Variants in EYA4 observed in about 807,000 individuals in gnomAD.
EYA4 encodes the protein EYA transcriptional coactivator and phosphatase 4.
EYA4 carries 31 observed loss-of-function variants against 87.9 expected under a neutral mutation model. That is an observed-to-expected ratio of 0.35 (90% confidence interval 0.27 to 0.48). The LOEUF is 0.48. EYA4 is among the 20% of genes least tolerant of loss of function. The pLI, the probability that EYA4 is intolerant of heterozygous loss-of-function variation, is 0.99. For synonymous variants in EYA4, 263 were observed against 270.6 expected (o/e 0.97, Z 0.28); for missense variants, 678 against 761.4 (o/e 0.89, Z 1.29).
chr6:133,429,306 AG>A (rs1416079629), intron 3 of EYA4, among the ~76,000 whole-genome samples: 6 of 151,696 alleles, frequency 4.0e-5, no homozygotes, highest in African/African-American at 1.2e-4. Flanking sequence ...GTTAGGTAAA[AG>A]GAAGTGAGAC....
At chr6:133,318,922 G>C (rs899677790) in intron 2 of EYA4, among the ~76,000 whole-genome samples, 4 of 152,130 alleles carry the variant, frequency 2.6e-5, no homozygotes, top group Admixed American at 2.6e-4. Context: ...CATAAAGTAC[G>C]ATTTTTCTAA....
intron 13 of EYA4, among the ~76,000 whole-genome samples, chr6:133,504,191 C>A (rs1583485924): frequency 6.6e-6 from 1 of 152,106 alleles, no homozygotes. Context: ...GTGCTGGGAA[C>A]ACAGGCGTGA....
chr6:133,362,705 G>A (rs1398486138), intron 2 of EYA4, among the ~76,000 whole-genome samples: 1 of 152,192 alleles, frequency 6.6e-6, no homozygotes, highest in African/African-American at 2.4e-5. Context: ...CAAATATAGA[G>A]CATTGCATGG....
At chr6:133,376,314 T>C (rs1248585065) in intron 2 of EYA4, among the ~76,000 whole-genome samples, 2 of 151,858 alleles carry the variant, frequency 1.3e-5, no homozygotes, top group East Asian at 3.8e-4. Flanking sequence ...AATAAATTAT[T>C]TATTACATAA....
chr6:133,371,387 T>TA (rs1404053762), intron 2 of EYA4, among the ~76,000 whole-genome samples: 2 of 152,208 alleles, frequency 1.3e-5, no homozygotes, highest in Non-Finnish European at 2.9e-5. Flanking sequence ...GAGTTGTAGG[T>TA]ACTATTTTCT....
chr6:133,427,410 C>A (rs945636126), intron 3 of EYA4, among the ~76,000 whole-genome samples: 2 of 152,100 alleles, frequency 1.3e-5, no homozygotes, highest in Admixed American at 6.5e-5. Context: ...AGTTCTATTA[C>A]AGAAGTGGAT....
At chr6:133,327,289 C>T (rs1333658837) in intron 2 of EYA4, among the ~76,000 whole-genome samples, 3 of 151,960 alleles carry the variant, frequency 2.0e-5, no homozygotes, top group African/African-American at 7.3e-5. Context: ...AGGTGCCCGC[C>T]GCCACGCCAG....
Position 133,513,018 on chromosome 6 carries a change from C to T in EYA4, c.1481C>T (p.Thr494Ile). ...AGAAGAGTAAAAGAATTATATAACA[C>T]CTACAAGAACAACGTTGGAGGTATG... ...RYRRVKELYNTYKNNVGGLLG... is the reference protein window; with the variant it reads ...RYRRVKELYNIYKNNVGGLLG... Residue 494 changes from threonine to isoleucine, a missense_variant, in exon 16 of 20, where the codon ACC (threonine) becomes ATC (isoleucine). By Grantham distance (89) the Thr-to-Ile change is moderately conservative (BLOSUM62 -1). Coordinates refer to ENST00000355286, the MANE Select transcript of EYA4 (RefSeq NM_004100.5). 6.2e-7 allele frequency: 1 copy of T among 1,613,946 alleles called. No homozygotes were observed. Among genetic ancestry groups the T allele is most frequent in the Non-Finnish European group, 8.5e-7 (1 of 1,179,926 alleles).
At chr6:133,428,971 G>T (rs1159674656) in intron 3 of EYA4, among the ~76,000 whole-genome samples, 1 of 113,684 alleles carries the variant, frequency 8.8e-6, no homozygotes, top group African/African-American at 3.3e-5. Flanking sequence ...CTGTTGCCCA[G>T]GCTGGAGGGC....
chr6:133,412,429 C>A (rs1418444723), intron 3 of EYA4, among the ~76,000 whole-genome samples: 1 of 152,192 alleles, frequency 6.6e-6, no homozygotes, highest in Non-Finnish European at 1.5e-5. Context: ...ATGCCCTCTT[C>A]ACAATCATAC....
intron 2 of EYA4, among the ~76,000 whole-genome samples, chr6:133,320,872 C>T (rs1303429124): frequency 6.6e-6 from 1 of 152,112 alleles, no homozygotes; most frequent in East Asian, 1.9e-4. Flanking sequence ...TTTATGGCCT[C>T]CTAGTATCCT....
intron 3 of EYA4, among the ~76,000 whole-genome samples, chr6:133,431,938 C>A (rs1791217797): frequency 8.6e-6 from 1 of 115,966 alleles, no homozygotes; most frequent in African/African-American, 3.4e-5. Flanking sequence ...ATAAAATAGT[C>A]CATTTTCTTG....
intron 1 of EYA4, among the ~76,000 whole-genome samples, chr6:133,265,786 C>T (rs1776167572): frequency 6.6e-6 from 1 of 152,156 alleles, no homozygotes; most frequent in Admixed American, 6.5e-5. Flanking sequence ...AATAACTCCC[C>T]AACAGTTCAT....
At chr6:133,317,215 A>G (rs1780696448) in intron 2 of EYA4, among the ~76,000 whole-genome samples, 1 of 152,210 alleles carries the variant, frequency 6.6e-6, no homozygotes, top group South Asian at 2.1e-4. Context: ...GCTCATTTCA[A>G]TAGCTCGTAG....
At chr6:133,392,746 G>A (rs199590301) in intron 3 of EYA4, among the ~76,000 whole-genome samples, 4 of 152,148 alleles carry the variant, frequency 2.6e-5, no homozygotes, top group Admixed American at 6.5e-5. Flanking sequence ...GAAGGATCTG[G>A]CCTCTTCTTT....
chr6:133,386,966 A>C (rs897247985), intron 3 of EYA4, among the ~76,000 whole-genome samples: 24 of 152,230 alleles, frequency 1.6e-4, no homozygotes, highest in Admixed American at 1.4e-3. Flanking sequence ...ACCTGAAATT[A>C]GTAAAGGCCT....
chr6:133,260,812 C>G (rs138895182), intron 1 of EYA4, among the ~76,000 whole-genome samples: 57 of 152,242 alleles, frequency 3.7e-4, no homozygotes, highest in African/African-American at 1.4e-3. Context: ...TTTGCTGAAT[C>G]TGATGGTGGG....
At chr6:133,457,522 TGA>T (rs1404993217) in intron 6 of EYA4, among the ~76,000 whole-genome samples, 1 of 152,184 alleles carries the variant, frequency 6.6e-6, no homozygotes, top group East Asian at 1.9e-4. Flanking sequence ...TAAAAATAGT[TGA>T]GATATGTCTT....
At chr6:133,267,651 G>T (rs1439258740) in intron 1 of EYA4, among the ~76,000 whole-genome samples, 1 of 152,050 alleles carries the variant, frequency 6.6e-6, no homozygotes, top group African/African-American at 2.4e-5. Flanking sequence ...CCAAAGTGCT[G>T]GGATTACAGG....
Sources: allele counts gnomAD v4.1 joint callset (sites outside exome capture counted in the v4.1 genomes callset), GRCh38; gene constraint gnomAD v4.1.1; transcripts MANE v1.5; gene names NCBI Gene and HGNC (gene_info 2026-07-23, HGNC 2026-07-21).